SMARCAD1: variants seen among roughly 807,000 people sequenced by gnomAD.
The protein encoded by SMARCAD1 is SNF2 related chromatin remodeling ATPase with DExD box 1.
A neutral mutation model predicts 127.1 loss-of-function variants in SMARCAD1; 25 were observed. The ratio of observed to expected loss-of-function variants is 0.20; its 90% CI spans 0.14 to 0.27. The LOEUF is 0.27. Among genes scored for constraint, SMARCAD1 ranks in the 10% least tolerant of loss-of-function variants. The pLI, the probability that SMARCAD1 is intolerant of heterozygous loss-of-function variation, is 1.00. For missense variants in SMARCAD1, 807 were observed against 1,206.0 expected, an observed-to-expected ratio of 0.67 and a Z score of 4.90; for synonymous variants, 400 against 396.9, an observed-to-expected ratio of 1.01 and a Z score of -0.09.
chr4:94,216,550 A>G (rs564805404), intron 2 of SMARCAD1, among the ~76,000 whole-genome samples: 9 of 152,326 alleles, frequency 5.9e-5, no homozygotes, highest in African/African-American at 1.9e-4. Context: ...TTGTCATGCA[A>G]CTATTCTCCA....
chr4:94,236,702 T>C (rs1183292372), intron 4 of SMARCAD1, among the ~76,000 whole-genome samples: 1 of 152,178 alleles, frequency 6.6e-6, no homozygotes, highest in Non-Finnish European at 1.5e-5. Flanking sequence ...ATATATGTGA[T>C]TGTGTTTTAA....
At chr4:94,277,676 T>C (rs1753493529) in intron 16 of SMARCAD1, among the ~76,000 whole-genome samples, 1 of 152,230 alleles carries the variant, frequency 6.6e-6, no homozygotes. Flanking sequence ...AGGAAAAGTA[T>C]AGTCTTCAAG....
At position 94,282,206 on chromosome 4, in the gene SMARCAD1, T is replaced by TCTC. The variant is rs200739794; in HGVS notation, c.2726+618_2726+619insCCT. 4.5e-3 allele frequency among the ~76,000 whole-genome samples: 229 copies of TCTC among 50,910 alleles called. 1 individual carries two copies. The highest frequency in any genetic ancestry group is 0.012 in the East Asian group (10 of 828). 33.4% of individuals were successfully genotyped at this position (50,910 alleles called of 152,430 possible). A position where few individuals can be genotyped will look rare whatever the true frequency, so the allele number is the denominator to read the frequency against. On this transcript the variant is annotated intron_variant, in intron 21 of 23. Transcript: ENST00000354268. ...GCTCCGCCTCCTGGGTTCACGCCAT[T>TCTC]CTGCCTCAGCCTCCCGAGTAGCTGG... is the stretch of plus-strand genomic sequence containing the variant.
In SMARCAD1 at chr4:94,290,136, G is replaced by T. The variant is rs1755501615; in HGVS notation, c.*602G>T. 1 of 454,362 alleles carries T rather than the reference G, an allele frequency of 2.2e-6. No homozygotes were observed. Among genetic ancestry groups the T allele is most frequent in the African/African-American group, 2.0e-5 (1 of 49,990 alleles). The allele number at this position is 454,362 out of a possible 1,614,324, so 28.1% of individuals were successfully genotyped here. On this transcript the variant is annotated 3_prime_UTR_variant, in exon 24 of 24. Transcript: ENST00000354268. ...CCAGGTCCTCTCAAGTACTTCTGCT[G>T]AAACAAATTTATTTGGCTAGGCACT...
intron 10 of SMARCAD1, among the ~76,000 whole-genome samples, chr4:94,266,991 T>G (rs1425090759): frequency 6.6e-6 from 1 of 152,120 alleles, no homozygotes; most frequent in Non-Finnish European, 1.5e-5. Context: ...AAAAAGAAAA[T>G]AAATCCTTAG....
At chr4:94,248,622 C>A in intron 6 of SMARCAD1, 1 of 437,318 alleles carries the variant, frequency 2.3e-6, no homozygotes, top group Admixed American at 2.5e-5. Flanking sequence ...AGGCTTTATT[C>A]CATGTTAGCT....
intron 8 of SMARCAD1, among the ~76,000 whole-genome samples, chr4:94,251,348 A>G (rs979924361): frequency 2.6e-5 from 4 of 152,184 alleles, no homozygotes; most frequent in African/African-American, 9.6e-5. Flanking sequence ...ATGTTTAGTA[A>G]CATACCTAAG....
At chr4:94,223,818 T>C (rs554240416) in intron 2 of SMARCAD1, among the ~76,000 whole-genome samples, 1 of 150,708 alleles carries the variant, frequency 6.6e-6, no homozygotes, top group Non-Finnish European at 1.5e-5. Flanking sequence ...CCTGACCTTG[T>C]GATCCGCCCA....
At chr4:94,222,940 G>C (rs1346582007) in intron 2 of SMARCAD1, among the ~76,000 whole-genome samples, 14 of 151,952 alleles carry the variant, frequency 9.2e-5, no homozygotes. Flanking sequence ...CTCCAGCCTG[G>C]GCGACAGAGC....
intron 9 of SMARCAD1, among the ~76,000 whole-genome samples, chr4:94,264,262 T>C (rs967889313): frequency 6.6e-6 from 1 of 151,908 alleles, no homozygotes; most frequent in Admixed American, 6.6e-5. Flanking sequence ...GTAATAGTCA[T>C]AGGAAATGAC....
chr4:94,268,713 C>T (rs1159658718), intron 10 of SMARCAD1, among the ~76,000 whole-genome samples: 2 of 152,152 alleles, frequency 1.3e-5, no homozygotes. Flanking sequence ...GGGCAAGTTA[C>T]TTAACTTCTG....
intron 9 of SMARCAD1, among the ~76,000 whole-genome samples, chr4:94,254,286 G>T (rs1004883061): frequency 6.6e-6 from 1 of 152,048 alleles, no homozygotes; most frequent in African/African-American, 2.4e-5. Context: ...GGGCTTTCTT[G>T]TTCTTCTTTT....
chr4:94,222,375 C>T (rs956521836), intron 2 of SMARCAD1, among the ~76,000 whole-genome samples: 1 of 152,032 alleles, frequency 6.6e-6, no homozygotes, highest in Non-Finnish European at 1.5e-5. Flanking sequence ...CTCTTTGGGA[C>T]TTAAAGAGTA....
intron 10 of SMARCAD1, among the ~76,000 whole-genome samples, chr4:94,265,223 T>TA (rs951657280): frequency 2.4e-4 from 37 of 151,948 alleles, no homozygotes; most frequent in African/African-American, 8.0e-4. Flanking sequence ...TGGTTTTAGT[T>TA]ACTCCTATAC....
intron 23 of SMARCAD1, among the ~76,000 whole-genome samples, chr4:94,288,260 C>G (rs1755233293): frequency 6.8e-6 from 1 of 147,458 alleles, no homozygotes; most frequent in Non-Finnish European, 1.5e-5. Context: ...CTCATTTGTC[C>G]CCTTAATGTC....
chr4:94,217,277 T>C (rs1743345316), intron 2 of SMARCAD1, among the ~76,000 whole-genome samples: 1 of 152,240 alleles, frequency 6.6e-6, no homozygotes, highest in South Asian at 2.1e-4. Flanking sequence ...TTTTCATTTA[T>C]TGAAAAATCC....
intron 6 of SMARCAD1, among the ~76,000 whole-genome samples, chr4:94,247,062 G>C (rs1317609458): frequency 6.6e-6 from 1 of 152,096 alleles, no homozygotes; most frequent in East Asian, 1.9e-4. Context: ...ATCTTACATT[G>C]GGATGGGATG....
At chr4:94,263,227 A>G (rs1751274265) in intron 9 of SMARCAD1, among the ~76,000 whole-genome samples, 1 of 152,132 alleles carries the variant, frequency 6.6e-6, no homozygotes, top group African/African-American at 2.4e-5. Flanking sequence ...CTCACATTTC[A>G]ATGTATTACA....
In SMARCAD1 at chr4:94,264,438, A is replaced by G. The variant is rs140779393; in HGVS notation, c.1282-269A>G. 511 of 300,864 alleles carry G rather than the reference A, an allele frequency of 1.7e-3. 4 individuals are homozygous for G. Among genetic ancestry groups the G allele is most frequent in the African/African-American group, 0.01 (474 of 46,094 alleles). 18.6% of individuals were successfully genotyped at this position (300,864 alleles called of 1,614,324 possible). A position where few individuals can be genotyped will look rare whatever the true frequency, so the allele number is the denominator to read the frequency against. ...TTATAAGAGAATAGCTGCCAGGGTCAAAGTAACAAGTTTGGGATTATGCAT... is the reference window on the plus strand; with the variant it reads ...TTATAAGAGAATAGCTGCCAGGGTCGAAGTAACAAGTTTGGGATTATGCAT... On this transcript the variant is annotated intron_variant, in intron 9 of 23. Coordinates refer to ENST00000354268, the MANE Select transcript of SMARCAD1 (RefSeq NM_020159.5).
Sources: gnomAD v4.1 joint callset for allele counts (sites outside exome capture counted in the v4.1 genomes callset) on GRCh38, gnomAD v4.1.1 for gene constraint, MANE v1.5 for transcripts, NCBI Gene and HGNC (gene_info 2026-07-23, HGNC 2026-07-21) for gene names.